The following RGS7 variants were observed in gnomAD, a reference collection of about 807,000 sequenced individuals.
RGS7 encodes regulator of G-protein signaling 7.
In RGS7, 27 loss-of-function variants were observed where a neutral mutation model predicts 81.1. The ratio of observed to expected loss-of-function variants is 0.33; its 90% confidence interval spans 0.25 to 0.46. RGS7 has a LOEUF of 0.46. RGS7 is among the 20% of genes least tolerant of loss of function. The pLI is 1.00. For missense variants in RGS7, 396 were observed against 607.4 expected (o/e 0.65, Z 3.66); for synonymous variants, 208 against 207.7 (o/e 1.00, Z -0.01).
chr1:241,250,749 A>C (rs1179665724), intron 2 of RGS7, among the ~76,000 whole-genome samples: 1 of 152,246 alleles, frequency 6.6e-6, no homozygotes, highest in African/African-American at 2.4e-5. Flanking sequence ...GTCAAGTAAC[A>C]AATATAAAAT....
chr1:241,208,195 C>T (rs2074032494), intron 2 of RGS7, among the ~76,000 whole-genome samples: 2 of 152,182 alleles, frequency 1.3e-5, no homozygotes, highest in South Asian at 2.1e-4. Flanking sequence ...TGAGCCACCG[C>T]GCCTGGACCA....
intron 6 of RGS7, among the ~76,000 whole-genome samples, chr1:240,918,484 A>G (rs1032012966): frequency 2.0e-5 from 3 of 152,182 alleles, no homozygotes; most frequent in Admixed American, 6.5e-5. Context: ...TAAACAGTAC[A>G]CTTCTAAACA....
At chr1:240,867,324 T>TA in intron 9 of RGS7, among the ~76,000 whole-genome samples, 1 of 152,316 alleles carries the variant, frequency 6.6e-6, no homozygotes, top group African/African-American at 2.4e-5. Flanking sequence ...TTATCAATCT[T>TA]GATTTGTCTT....
chr1:241,116,656 T>G (rs1188992158), intron 2 of RGS7, among the ~76,000 whole-genome samples: 2 of 152,228 alleles, frequency 1.3e-5, no homozygotes, highest in African/African-American at 4.8e-5. Context: ...TCTGTAAATT[T>G]TTTTTAGTTG....
intron 6 of RGS7, among the ~76,000 whole-genome samples, chr1:240,872,237 G>A (rs545396824): frequency 3.9e-5 from 6 of 152,150 alleles, no homozygotes; most frequent in East Asian, 1.9e-4. Context: ...GAGCTATTTC[G>A]AGGTCAAATC....
At chr1:240,981,268 C>T (rs1473012916) in intron 4 of RGS7, among the ~76,000 whole-genome samples, 1 of 152,094 alleles carries the variant, frequency 6.6e-6, no homozygotes, top group African/African-American at 2.4e-5. Flanking sequence ...TGCCACCACA[C>T]CCAGCTAATT....
intron 4 of RGS7, among the ~76,000 whole-genome samples, chr1:240,965,095 T>A (rs1279572127): frequency 1.3e-5 from 2 of 152,238 alleles, no homozygotes; most frequent in African/African-American, 4.8e-5. Context: ...CTGTACTCTT[T>A]ACCTTTGCTT....
chr1:241,123,675 C>T (rs772126527), intron 2 of RGS7, among the ~76,000 whole-genome samples: 2 of 152,140 alleles, frequency 1.3e-5, no homozygotes, highest in African/African-American at 2.4e-5. Context: ...CACTTGAACC[C>T]GGGAGGCGGA....
intron 2 of RGS7, among the ~76,000 whole-genome samples, chr1:241,113,963 G>T (rs1572746999): frequency 1.3e-5 from 2 of 151,980 alleles, no homozygotes; most frequent in South Asian, 4.2e-4. Context: ...TATTTCTTTT[G>T]TTCTCTTTTA....
chr1:241,335,688 A>AACACACAC lies in RGS7; in HGVS notation c.78+20003_78+20010dup, dbSNP rs112464128. Among the ~76,000 whole-genome samples, 160 of 150,564 alleles carry AACACACAC rather than the reference A, an allele frequency of 1.1e-3. 1 individual carries two copies. Among genetic ancestry groups the AACACACAC allele is most frequent in the African/African-American group, 3.7e-3 (154 of 41,152 alleles). On this transcript the variant is annotated intron_variant, in intron 2 of 18. Transcript: ENST00000440928. ...TCTTAAAGAGCTCAAAAGATTTTAA[A>AACACACAC]ACACACACACACACACACACGCAGA... is the stretch of plus-strand genomic sequence containing the variant.
At chr1:241,157,438 G>A (rs1338512734) in intron 2 of RGS7, among the ~76,000 whole-genome samples, 2 of 152,168 alleles carry the variant, frequency 1.3e-5, no homozygotes, top group African/African-American at 2.4e-5. Context: ...TCCTTGGTTC[G>A]CTCCCTGTGG....
intron 2 of RGS7, among the ~76,000 whole-genome samples, chr1:241,323,509 C>T (rs936999804): frequency 7.2e-5 from 11 of 152,128 alleles, no homozygotes; most frequent in African/African-American, 2.7e-4. Flanking sequence ...AACCTCTGCC[C>T]AAGTATTAAA....
intron 2 of RGS7, among the ~76,000 whole-genome samples, chr1:241,280,556 G>A (rs1197792336): frequency 6.6e-6 from 1 of 152,200 alleles, no homozygotes; most frequent in Non-Finnish European, 1.5e-5. Flanking sequence ...GCAGTGCAGT[G>A]GTGCAATCAC....
intron 2 of RGS7, among the ~76,000 whole-genome samples, chr1:241,315,910 G>T (rs2080843081): frequency 6.6e-6 from 1 of 152,126 alleles, no homozygotes; most frequent in Admixed American, 6.5e-5. Flanking sequence ...ATCAATAAAG[G>T]TTGTTACATT....
At chr1:241,150,112 A>G (rs1250857190) in intron 2 of RGS7, among the ~76,000 whole-genome samples, 1 of 152,216 alleles carries the variant, frequency 6.6e-6, no homozygotes, top group Non-Finnish European at 1.5e-5. Flanking sequence ...TACAATGCGT[A>G]TGAGCTAAAG....
chr1:240,919,745 C>T, intron 6 of RGS7: 1 of 641,316 alleles, frequency 1.6e-6, no homozygotes, highest in Non-Finnish European at 2.8e-6. Flanking sequence ...GCCTGAGGGG[C>T]CATTTTCAGC....
intron 2 of RGS7, among the ~76,000 whole-genome samples, chr1:241,156,498 T>C (rs2069160475): frequency 6.7e-6 from 1 of 148,612 alleles, no homozygotes; most frequent in African/African-American, 2.5e-5. Context: ...AGAGAGAGAC[T>C]CTGTCTCAAA....
chr1:241,209,314 G>T lies in RGS7; in HGVS notation c.79-110552C>A, dbSNP rs145690415. 4.6e-5 allele frequency among the ~76,000 whole-genome samples: 7 copies of T among 152,014 alleles called. No individual in the cohort carries two copies. The East Asian group carries it at 1.4e-3, about 29-fold the overall frequency. On this transcript the variant is annotated intron_variant, in intron 2 of 18. Coordinates refer to ENST00000440928, the MANE Select transcript of RGS7 (RefSeq NM_001364886.1). ...TAAAGGGATCTGATTCAGATAAGTG[G>T]GCATAATGGAAATTTAGCAAGGTGA...
chr1:240,928,019 C>T lies in RGS7; in HGVS notation c.385+2698G>A, dbSNP rs189839620. 5.7e-4 allele frequency among the ~76,000 whole-genome samples: 87 copies of T among 152,278 alleles called. 1 individual carries two copies. Among genetic ancestry groups the T allele is most frequent in the Non-Finnish European group, 1.0e-3 (70 of 68,024 alleles). On this transcript the variant is annotated intron_variant, in intron 6 of 18. Coordinates refer to ENST00000440928, the MANE Select transcript of RGS7 (RefSeq NM_001364886.1). Reference sequence around the variant, plus strand: ...TCCAAGGTGTCTAGTTGATGATTTACTCTCTATGTAGAAACACTTATTTAC... The same window carrying T: ...TCCAAGGTGTCTAGTTGATGATTTATTCTCTATGTAGAAACACTTATTTAC...
Sources: allele counts gnomAD v4.1 joint callset (sites outside exome capture counted in the v4.1 genomes callset), GRCh38; gene constraint gnomAD v4.1.1; transcripts MANE v1.5; gene names NCBI Gene and HGNC (gene_info 2026-07-23, HGNC 2026-07-21).